The following NUCB1 variants were observed in gnomAD, a reference collection of about 807,000 sequenced individuals.
NUCB1 encodes the protein nucleobindin-1.
In NUCB1, 47 loss-of-function variants were observed where a neutral mutation model predicts 61.2. The observed-to-expected ratio is 0.77, with a 90% confidence interval of 0.61 to 0.98. The LOEUF (loss-of-function observed/expected upper bound fraction) is 0.98, where lower values mean the gene tolerates loss of function less well. Among genes scored for constraint, NUCB1 ranks in the 50% least tolerant of loss-of-function variants. The pLI is 0.00. For missense variants in NUCB1, 583 were observed against 605.3 expected (o/e 0.96, Z 0.39); for synonymous variants, 234 against 243.1 (o/e 0.96, Z 0.35).
chr19:48,915,468 G>T (rs1198264769), intron 7 of NUCB1, among the ~76,000 whole-genome samples: 1 of 152,142 alleles, frequency 6.6e-6, no homozygotes, highest in Non-Finnish European at 1.5e-5. Context: ...TCACACCACT[G>T]CACTCCAGCC....
chr19:48,915,369 TC>T (rs944060819), intron 7 of NUCB1, among the ~76,000 whole-genome samples: 14 of 150,642 alleles, frequency 9.3e-5, no homozygotes, highest in Non-Finnish European at 8.9e-5. Context: ...ATGGTAGTGC[TC>T]ACCTATAGTC....
In NUCB1 at chr19:48,921,248, A is replaced by T; in HGVS notation, c.1097A>T (p.Gln366Leu). Residue 366 changes from glutamine to leucine, a missense_variant, in exon 11 of 13, where the codon CAG (glutamine) becomes CTG (leucine). Transcript: ENST00000405315. ...AREAELNAKAQRLSQETEALG... is the reference protein window; with the variant it reads ...AREAELNAKALRLSQETEALG... ...GAGGCAGAGCTGAATGCCAAGGCCC[A>T]GCGCCTCAGCCAGGAGACAGAGGCT... The T allele has an allele frequency of 6.2e-7, 1 of 1,610,786 alleles. No homozygotes were observed. The highest frequency in any genetic ancestry group is 1.1e-5 in the South Asian group (1 of 90,590).
chr19:48,919,223 C>T lies in NUCB1; in HGVS notation c.939C>T (p.Thr313=). ...ACACCAACCAGGACCGCCTCGTGACCCTGGAGGAGTTCCTCGCATCCACTC... is the reference window on the plus strand; with the variant it reads ...ACACCAACCAGGACCGCCTCGTGACTCTGGAGGAGTTCCTCGCATCCACTC... ...NVDTNQDRLV[T]LEEFLASTQR... The change falls in exon 10 of 13, where the codon ACC becomes ACT. Residue 313 remains threonine (T), a synonymous_variant. Coordinates refer to ENST00000405315, the MANE Select transcript of NUCB1 (RefSeq NM_006184.6). 3 of 1,613,958 alleles carry T rather than the reference C, an allele frequency of 1.9e-6. No individual in the cohort carries two copies. Among genetic ancestry groups the T allele is most frequent in the Non-Finnish European group, 2.5e-6 (3 of 1,179,940 alleles).
chr19:48,914,426 G>A (rs115501771), intron 7 of NUCB1, among the ~76,000 whole-genome samples: 2 of 151,954 alleles, frequency 1.3e-5, no homozygotes, highest in African/African-American at 4.8e-5. Flanking sequence ...GCTTAGCAAG[G>A]CCTGACTCAT....
chr19:48,922,390 G>A lies in NUCB1; in HGVS notation c.1352G>A (p.Arg451Gln), dbSNP rs372475843. Reference protein sequence around the residue: ...VDTSEKKLLERLPEVEVPQHL With the variant: ...VDTSEKKLLEQLPEVEVPQHL ...ACTTCAGAAAAGAAACTTCTCGAGC[G>A]GCTCCCTGAGGTTGAGGTGCCCCAG... is the stretch of plus-strand genomic sequence containing the variant. Residue 451 changes from arginine to glutamine, a missense_variant, in exon 13 of 13, where the codon CGG becomes CAG. By Grantham distance (43) the Arg-to-Gln change is conservative. Transcript: ENST00000405315. 9 of 1,613,640 alleles carry A rather than the reference G, an allele frequency of 5.6e-6. No individual in the cohort carries two copies. The highest frequency in any genetic ancestry group is 3.3e-5 in the Admixed American group (2 of 59,968).
At chr19:48,917,010 A>C (rs2037547769) in intron 7 of NUCB1, among the ~76,000 whole-genome samples, 1 of 151,996 alleles carries the variant, frequency 6.6e-6, no homozygotes, top group Non-Finnish European at 1.5e-5. Flanking sequence ...CCTTGAGACC[A>C]GGAGTTCAAG....
chr19:48,901,767 T>G (rs1421122262), intron 2 of NUCB1, among the ~76,000 whole-genome samples: 2 of 152,130 alleles, frequency 1.3e-5, no homozygotes, highest in Non-Finnish European at 2.9e-5. Flanking sequence ...GAGACTCTGT[T>G]TTCTGAGACT....
At chr19:48,904,284 C>A in intron 2 of NUCB1, 63 bp from the exon 3 acceptor site, 2 of 1,100,348 alleles carry the variant, frequency 1.8e-6, no homozygotes, top group Non-Finnish European at 2.8e-6. Context: ...ATAGCAGTAA[C>A]AGGAGTGAGG....
In NUCB1 at chr19:48,900,847, G is replaced by GCTGCTC; in HGVS notation, c.57_62dup (p.Leu20_Leu21dup). On this transcript the variant is annotated inframe_insertion, in exon 2 of 13. Coordinates refer to ENST00000405315, the MANE Select transcript of NUCB1 (RefSeq NM_006184.6). The stretch of plus-strand genomic sequence containing the variant: ...CCCTCCTTCTGTTGCCGCTGCTGCT[G>GCTGCTC]CTGCTCCTGCTTCGCGCCGTGCTGG... The GCTGCTC allele has an allele frequency of 1.2e-6, 2 of 1,613,888 alleles. No individual in the cohort carries two copies. Among genetic ancestry groups the GCTGCTC allele is most frequent in the Non-Finnish European group, 1.7e-6 (2 of 1,180,018 alleles).
At chr19:48,917,151 A>G (rs1258036346) in intron 7 of NUCB1, among the ~76,000 whole-genome samples, 1 of 151,862 alleles carries the variant, frequency 6.6e-6, no homozygotes, top group Non-Finnish European at 1.5e-5. Context: ...TGAGCCGAGG[A>G]GTTCAAGGCT....
intron 7 of NUCB1, among the ~76,000 whole-genome samples, chr19:48,914,405 C>T (rs1244568653): frequency 6.6e-6 from 1 of 152,126 alleles, no homozygotes; most frequent in African/African-American, 2.4e-5. Context: ...AATCTGTAGC[C>T]GGTCAGATAA....
chr19:48,921,962 T>C, intron 12 of NUCB1, 30 bp downstream of exon 12: 1 of 1,520,572 alleles, frequency 6.6e-7, no homozygotes. Context: ...GAGGAGGGGC[T>C]GCAGGGCTGG....
rs1383059710 is a variant in NUCB1 at position 48,921,325 on chromosome 19, G to A, written c.1173+1G>A. 1 of 1,577,428 alleles carries A rather than the reference G, an allele frequency of 6.3e-7. No homozygotes were observed. The highest frequency in any genetic ancestry group is 1.2e-5 in the South Asian group (1 of 86,648). On this transcript the variant is annotated splice_donor_variant, in intron 11 of 12. Coordinates refer to ENST00000405315, the MANE Select transcript of NUCB1 (RefSeq NM_006184.6). LOFTEE classifies it high-confidence loss of function. ...GGCCCAGAAGAGAGAGCTGCAGCAG[G>A]TGACAGCGGGGGAAGCTGCTTCCAT...
intron 1 of NUCB1, 141 bp from the exon 2 acceptor site, chr19:48,900,645 A>G: frequency 1.7e-6 from 2 of 1,180,902 alleles, no homozygotes; most frequent in Non-Finnish European, 1.2e-6. Flanking sequence ...GAGGCCTGGA[A>G]TCCTGGGGCC....
chr19:48,910,405 G>A (rs117525243), intron 4 of NUCB1, among the ~76,000 whole-genome samples: 18,087 of 151,032 alleles, frequency 0.12, 1,252 homozygotes, highest in Non-Finnish European at 0.15. Flanking sequence ...AGTGGTTGAG[G>A]CTGGGCGTGG....
At chr19:48,917,051 C>G (rs990338652) in intron 7 of NUCB1, among the ~76,000 whole-genome samples, 58 of 151,724 alleles carry the variant, frequency 3.8e-4, no homozygotes, top group African/African-American at 1.3e-3. Flanking sequence ...AAAACCCCAT[C>G]TCTATGAAAA....
chr19:48,905,925 TGGGG>T, intron 4 of NUCB1, 40 bp downstream of exon 4: 1 of 625,318 alleles, frequency 1.6e-6, no homozygotes, highest in East Asian at 4.7e-5. Flanking sequence ...CAGGGAGGGG[TGGGG>T]AAGGGTGGCC....
In NUCB1 at chr19:48,922,699, G is replaced by A. The variant is rs982738391; in HGVS notation, c.*275G>A. 2 of 407,998 alleles carry A rather than the reference G, an allele frequency of 4.9e-6. No homozygotes were observed. The highest frequency in any genetic ancestry group is 4.1e-5 in the African/African-American group (2 of 48,848). 25.3% of individuals were successfully genotyped at this position (407,998 alleles called of 1,614,324 possible). A position where few individuals can be genotyped will look rare whatever the true frequency, so the allele number is the denominator to read the frequency against. ...TCAGTGATCGGCTTAACTTAGAGAA[G>A]CCCGCCCCCTCCCCTTCTCCGTCTG... On this transcript the variant is annotated 3_prime_UTR_variant, in exon 13 of 13. Transcript: ENST00000405315.
At chr19:48,902,937 G>GTATATA (rs111291447) in intron 2 of NUCB1, among the ~76,000 whole-genome samples, 9,323 of 146,786 alleles carry the variant, frequency 0.064, 294 homozygotes, top group African/African-American at 0.09. Flanking sequence ...GGTAAAGAAT[G>GTATATA]TATATATATA....
Sources: gnomAD v4.1 joint callset for allele counts (sites outside exome capture counted in the v4.1 genomes callset) on GRCh38, gnomAD v4.1.1 for gene constraint, MANE v1.5 for transcripts, NCBI Gene and HGNC (gene_info 2026-07-23, HGNC 2026-07-21) for gene names.